The following CBFA2T3 variants were observed in gnomAD, a reference collection of about 807,000 sequenced individuals.
CBFA2T3 encodes transcriptional corepressor CBFA2T3.
A neutral mutation model predicts 58.6 loss-of-function variants in CBFA2T3; 31 were observed. The observed-to-expected ratio is 0.53, with a 90% confidence interval of 0.40 to 0.71. CBFA2T3 has a LOEUF of 0.71. Ranked by LOEUF, CBFA2T3 falls within the 30% of genes least tolerant of loss-of-function variation. The probability of loss-of-function intolerance (pLI) is 0.00; values close to 1 mark genes in which losing one functional copy is unlikely to be tolerated. For missense variants in CBFA2T3, 1,076 were observed against 963.1 expected (o/e 1.12, Z -1.55); for synonymous variants, 531 against 421.9 (o/e 1.26, Z -3.17).
chr16:88,878,441 C>G (rs1326747931), intron 11 of CBFA2T3, among the ~76,000 whole-genome samples: 1 of 152,244 alleles, frequency 6.6e-6, no homozygotes, highest in Admixed American at 6.5e-5. Flanking sequence ...CTGGGGCTCC[C>G]CTGGAAAGGG....
intron 1 of CBFA2T3, among the ~76,000 whole-genome samples, chr16:88,948,647 G>A (rs1480917986): frequency 6.6e-6 from 1 of 152,206 alleles, no homozygotes; most frequent in East Asian, 1.9e-4. Flanking sequence ...TTTGCAGAAT[G>A]AGGTTCCTAA....
intron 1 of CBFA2T3, among the ~76,000 whole-genome samples, chr16:88,976,304 C>T (rs900339052): frequency 6.6e-6 from 1 of 152,144 alleles, no homozygotes; most frequent in Non-Finnish European, 1.5e-5. Flanking sequence ...AGGAGGAGGG[C>T]TCTCTTTCTA....
In CBFA2T3 at chr16:88,885,916, G is replaced by A. The variant is rs1234096045; in HGVS notation, c.893+45C>T. 18 of 1,506,848 alleles carry A rather than the reference G, an allele frequency of 1.2e-5. No homozygotes were observed. Among genetic ancestry groups the A allele is most frequent in the Non-Finnish European group, 1.6e-5 (18 of 1,113,342 alleles). 93.3% of individuals were successfully genotyped at this position (1,506,848 alleles called of 1,614,324 possible). ...CCCAGAGGGGAGCAGGGTGAGCCGC[G>A]TGTCCACGGCACCCCCAGCCCAGAT... On this transcript the variant is annotated intron_variant, in intron 6 of 11. Coordinates refer to ENST00000268679, the MANE Select transcript of CBFA2T3 (RefSeq NM_005187.6). This position sits in a 1 kb window ranked among gnomAD's most constrained non-coding sequence, Gnocchi z 5.3.
At chr16:88,881,547 T>C in intron 8 of CBFA2T3, 58 bp from the exon 9 acceptor site, 1 of 1,526,038 alleles carries the variant, frequency 6.6e-7, no homozygotes. Context: ...CACCAGACAC[T>C]CCCCCAGCCC....
chr16:88,934,843 T>C (rs994166361), intron 1 of CBFA2T3, among the ~76,000 whole-genome samples: 4 of 152,138 alleles, frequency 2.6e-5, no homozygotes, highest in African/African-American at 7.2e-5. Context: ...GGGTTCACGC[T>C]ATTCTCCTGC....
At chr16:88,900,540 C>T (rs985881896) in intron 2 of CBFA2T3, among the ~76,000 whole-genome samples, 8 of 152,154 alleles carry the variant, frequency 5.3e-5, no homozygotes, top group Non-Finnish European at 1.0e-4. Flanking sequence ...GTCAGGGACC[C>T]GGGGCAAGCA....
chr16:88,939,058 T>C (rs1971611796), intron 1 of CBFA2T3: 1 of 152,154 alleles, frequency 6.6e-6, no homozygotes, highest in Non-Finnish European at 1.5e-5. Context: ...TGGCAGCATC[T>C]CCAGATCCTC....
chr16:88,964,237 T>A (rs1374154701), intron 1 of CBFA2T3, among the ~76,000 whole-genome samples: 1 of 152,188 alleles, frequency 6.6e-6, no homozygotes, highest in Non-Finnish European at 1.5e-5. Flanking sequence ...CTAGCATGAG[T>A]CTGATGACAG....
intron 1 of CBFA2T3, among the ~76,000 whole-genome samples, chr16:88,954,932 T>G (rs76811297): frequency 0.011 from 49 of 4,364 alleles, no homozygotes; most frequent in East Asian, 0.048. Context: ...CCTGACCCCA[T>G]CCAAGGCTCC....
intron 5 of CBFA2T3, among the ~76,000 whole-genome samples, chr16:88,889,464 G>T (rs992508605): frequency 1.3e-5 from 2 of 151,836 alleles, no homozygotes; most frequent in Non-Finnish European, 2.9e-5. Context: ...TCCCCTTGGG[G>T]AGGGACTGAG....
chr16:88,893,046 C>G (rs1025792069), intron 3 of CBFA2T3, among the ~76,000 whole-genome samples: 3 of 152,174 alleles, frequency 2.0e-5, no homozygotes, highest in Admixed American at 6.5e-5. Context: ...GCTCACTTCC[C>G]ACTTTCTGGA....
chr16:88,941,236 G>C, intron 1 of CBFA2T3: 1 of 933,168 alleles, frequency 1.1e-6, no homozygotes, highest in Non-Finnish European at 1.3e-6. Flanking sequence ...CGGCCACCCC[G>C]CGCGGGAACA....
In CBFA2T3 at chr16:88,915,718, AGGGGGAGCGTGGAAGGGGGAGCGTGGG is replaced by A. The variant is rs1207354768; in HGVS notation, c.152-14089_152-14063del. 4.2e-4 allele frequency among the ~76,000 whole-genome samples: 10 copies of A among 23,760 alleles called. No individual in the cohort carries two copies. In the East Asian group the frequency reaches 4.3e-3, roughly 10 times the overall value. The allele number at this position is 23,760 out of a possible 152,430, so 15.6% of individuals were successfully genotyped here. ...GGGAGCGTGGACGGGGGGAGCGTGG[AGGGGGAGCGTGGAAGGGGGAGCGTGGG>A]GGGGGAGTGTTAAGGGGGAAGTGCA... On this transcript the variant is annotated intron_variant, in intron 1 of 11. Coordinates refer to ENST00000268679, the MANE Select transcript of CBFA2T3 (RefSeq NM_005187.6).
chr16:88,877,793 T>TG (rs1185489425), intron 11 of CBFA2T3, among the ~76,000 whole-genome samples: 1 of 151,154 alleles, frequency 6.6e-6, no homozygotes, highest in African/African-American at 2.4e-5. Flanking sequence ...GCAGAGGGGG[T>TG]GGGGGATGCC....
Position 88,892,373 on chromosome 16 carries a change from G to C in CBFA2T3, c.492C>G (p.His164Gln), listed in dbSNP as rs1567585450. The C allele has an allele frequency of 6.2e-7, 1 of 1,613,548 alleles. No individual in the cohort carries two copies. Among genetic ancestry groups the C allele is most frequent in the African/African-American group, 1.3e-5 (1 of 75,054 alleles). ...TSSTASLSTQ[H>Q]LPPACGARQL... ...GCCGGGCCCCGCAGGCTGGGGGCAG[G>C]TGCTGTGTGGACAAGGAGGCTGTGG... The change falls in exon 4 of 12, where the codon CAC becomes CAG. Residue 164 changes from histidine (H) to glutamine (Q), a missense_variant. Physicochemically the swap from His to Gln is conservative, Grantham distance 24. Coordinates refer to ENST00000268679, the MANE Select transcript of CBFA2T3 (RefSeq NM_005187.6).
chr16:88,903,252 GC>G (rs1970170563), intron 1 of CBFA2T3, among the ~76,000 whole-genome samples: 1 of 152,230 alleles, frequency 6.6e-6, no homozygotes, highest in African/African-American at 2.4e-5. Flanking sequence ...CTTGCCGCCG[GC>G]TCCTTTTACA....
At chr16:88,892,138 C>T in intron 4 of CBFA2T3, 106 bp downstream of exon 4, 8 of 1,452,124 alleles carry the variant, frequency 5.5e-6, no homozygotes, top group Non-Finnish European at 7.6e-6. Flanking sequence ...GGGTCCACGC[C>T]CGGTTGTCAG....
chr16:88,897,462 G>C (rs896850556), intron 3 of CBFA2T3, among the ~76,000 whole-genome samples: 1 of 152,242 alleles, frequency 6.6e-6, no homozygotes, highest in Non-Finnish European at 1.5e-5. Context: ...CACCTGGTAA[G>C]AGCCCATGCT....
chr16:88,918,033 G>C (rs1191488859), intron 1 of CBFA2T3, among the ~76,000 whole-genome samples: 2 of 152,072 alleles, frequency 1.3e-5, no homozygotes, highest in South Asian at 4.1e-4. Context: ...GCCTGGGCTG[G>C]CTTTGCCCTG....
Sources: allele counts gnomAD v4.1 joint callset (sites outside exome capture counted in the v4.1 genomes callset), GRCh38; gene constraint gnomAD v4.1.1; non-coding constraint Gnocchi (gnomAD v3.1); transcripts MANE v1.5; gene names NCBI Gene and HGNC (gene_info 2026-07-23, HGNC 2026-07-21).